Variants in YTHDC2 observed in about 807,000 individuals in gnomAD.
YTHDC2 encodes the protein 3'-5' RNA helicase YTHDC2.
In YTHDC2, 45 loss-of-function variants were observed where a neutral mutation model predicts 174.9. That is an observed-to-expected ratio of 0.26 (90% confidence interval 0.20 to 0.33). YTHDC2 has a LOEUF of 0.33. Ranked by LOEUF, YTHDC2 falls within the 10% of genes least tolerant of loss-of-function variation. YTHDC2 has a pLI of 1.00. For missense variants in YTHDC2, 1,650 were observed against 1,723.7 expected (o/e 0.96, Z 0.76); for synonymous variants, 657 against 574.5 (o/e 1.14, Z -2.05).
intron 26 of YTHDC2, among the ~76,000 whole-genome samples, chr5:113,589,405 AAAAATATATAT>A (rs1778874712): frequency 1.7e-5 from 2 of 120,462 alleles, no homozygotes; most frequent in African/African-American, 3.5e-5. Flanking sequence ...TAAAAAAAAA[AAAAATATATAT>A]ATATATATAT....
At chr5:113,528,742 C>T (rs1214006790) in intron 4 of YTHDC2, among the ~76,000 whole-genome samples, 3 of 152,260 alleles carry the variant, frequency 2.0e-5, no homozygotes, top group Admixed American at 6.5e-5. Flanking sequence ...CTCCTGGGCT[C>T]AAGCGATCCA....
At position 113,593,036 on chromosome 5, in the gene YTHDC2, G is replaced by T. The variant is rs192278705; in HGVS notation, c.4213-267G>T. The T allele has an allele frequency of 2.2e-4, 60 of 273,992 alleles. No homozygotes were observed. In the East Asian group the frequency reaches 3.6e-3, roughly 16 times the overall value. 17.0% of individuals were successfully genotyped at this position (273,992 alleles called of 1,614,324 possible). On this transcript the variant is annotated intron_variant, in intron 28 of 29. Transcript: ENST00000161863. ...AATCCATTATTTTTAGGTAGAAACA[G>T]TTCCAGGACTCCATGGGAATCTGTT... is the stretch of plus-strand genomic sequence containing the variant.
chr5:113,586,884 T>C (rs1778711309), intron 26 of YTHDC2, among the ~76,000 whole-genome samples: 1 of 135,814 alleles, frequency 7.4e-6, no homozygotes, highest in Admixed American at 8.3e-5. Flanking sequence ...TATATATATA[T>C]ATAATATATA....
intron 2 of YTHDC2, among the ~76,000 whole-genome samples, chr5:113,516,739 T>C (rs899914193): frequency 2.0e-5 from 3 of 152,106 alleles, no homozygotes; most frequent in Non-Finnish European, 4.4e-5. Flanking sequence ...GTTTTTAGGT[T>C]AGGAAGAGGG....
Position 113,513,756 on chromosome 5 carries a change from G to A in YTHDC2, c.-140G>A, listed in dbSNP as rs1561610040. 1.2e-6 allele frequency: 1 copy of A among 858,898 alleles called. No individual in the cohort carries two copies. Among genetic ancestry groups the A allele is most frequent in the East Asian group, 3.1e-5 (1 of 32,276 alleles). 53.2% of individuals were successfully genotyped at this position (858,898 alleles called of 1,614,324 possible). On this transcript the variant is annotated 5_prime_UTR_variant, in exon 1 of 30. Transcript: ENST00000161863. ...CACTTCTGCTGTGGCGGTGACTGAG[G>A]CCTTTCTGGTGACCTCAGCCCAACA...
At position 113,579,674 on chromosome 5, in the gene YTHDC2, C is replaced by G; in HGVS notation, c.3333C>G (p.Leu1111=). 2 of 1,607,204 alleles carry G rather than the reference C, an allele frequency of 1.2e-6. No homozygotes were observed. Among genetic ancestry groups the G allele is most frequent in the Non-Finnish European group, 8.5e-7 (1 of 1,176,558 alleles). Residue 1111 remains leucine (L), a synonymous_variant, in exon 24 of 30, where the codon CTC becomes CTG. Transcript: ENST00000161863. ...NLAALKLDEW[L]HFTLEPEAAS... The stretch of plus-strand genomic sequence containing the variant: ...CAGCCTTGAAACTTGATGAGTGGCT[C>G]CATTTCACACTGGAGCCAGAGGTAA...
intron 7 of YTHDC2, 50 bp downstream of exon 7, chr5:113,535,848 T>C: frequency 6.9e-7 from 1 of 1,448,182 alleles, no homozygotes; most frequent in Admixed American, 2.2e-5. Flanking sequence ...AAGAACACTT[T>C]TGGACATTAT....
intron 4 of YTHDC2, among the ~76,000 whole-genome samples, chr5:113,530,338 T>C (rs539564009): frequency 2.2e-4 from 34 of 152,002 alleles, no homozygotes; most frequent in Non-Finnish European, 4.1e-4. Flanking sequence ...ATTTTTCTTA[T>C]GTATCTTTAA....
chr5:113,514,159 C>A, intron 1 of YTHDC2, 77 bp downstream of exon 1: 5 of 1,519,738 alleles, frequency 3.3e-6, no homozygotes, highest in African/African-American at 1.4e-5. Flanking sequence ...GGCGGCCCAC[C>A]GAGTGATGGG....
intron 26 of YTHDC2, among the ~76,000 whole-genome samples, chr5:113,586,877 A>C (rs187603430): frequency 0.02 from 2,638 of 129,456 alleles, 99 homozygotes; most frequent in African/African-American, 0.041. Flanking sequence ...CTCTCTCTAT[A>C]TATATATATA....
chr5:113,560,262 G>A (rs7705562), intron 17 of YTHDC2, among the ~76,000 whole-genome samples: 48,227 of 152,092 alleles, frequency 0.32, 10,064 homozygotes, highest in African/African-American at 0.58. Context: ...GCATTGACAT[G>A]ATGACATTCC....
chr5:113,584,221 G>T, intron 25 of YTHDC2, 81 bp from the exon 26 acceptor site: 1 of 1,218,142 alleles, frequency 8.2e-7, no homozygotes, highest in Non-Finnish European at 1.1e-6. Flanking sequence ...CATCTGCTTT[G>T]TATTATAAAC....
intron 23 of YTHDC2, among the ~76,000 whole-genome samples, chr5:113,576,368 A>G (rs571858769): frequency 1.3e-5 from 2 of 152,194 alleles, no homozygotes; most frequent in Non-Finnish European, 2.9e-5. Context: ...GAGTAGAAAT[A>G]GTATGATTGA....
At position 113,529,308 on chromosome 5, in the gene YTHDC2, G is replaced by A. The variant is rs550962432; in HGVS notation, c.675+2523G>A. 1.2e-3 allele frequency among the ~76,000 whole-genome samples: 183 copies of A among 152,290 alleles called. 1 individual carries two copies. Among genetic ancestry groups the A allele is most frequent in the Middle Eastern group, 0.01 (3 of 294 alleles). On this transcript the variant is annotated intron_variant, in intron 4 of 29. Coordinates refer to ENST00000161863, the MANE Select transcript of YTHDC2 (RefSeq NM_022828.5). ...GTTAACATGGCTAAGAAGTGATAGA[G>A]TAGGAATCTTTCTCTTATATTGTAC...
At position 113,592,324 on chromosome 5, in the gene YTHDC2, T is replaced by C. The variant is rs927239325; in HGVS notation, c.4212+146T>C. The C allele has an allele frequency of 6.7e-6, 5 of 744,924 alleles. No homozygotes were observed. In the South Asian group the frequency reaches 1.4e-4, roughly 21 times the overall value. 46.1% of individuals were successfully genotyped at this position (744,924 alleles called of 1,614,324 possible). A position where few individuals can be genotyped will look rare whatever the true frequency, so the allele number is the denominator to read the frequency against. ...ACAGGGGTTCAGGTTTGTAAAAAGA[T>C]AGTAAAAACCTACTTGTAAATGTGT... On this transcript the variant is annotated intron_variant, in intron 28 of 29. Coordinates refer to ENST00000161863, the MANE Select transcript of YTHDC2 (RefSeq NM_022828.5).
intron 5 of YTHDC2, among the ~76,000 whole-genome samples, chr5:113,533,725 A>C (rs1366290546): frequency 2.0e-5 from 3 of 152,180 alleles, no homozygotes; most frequent in Non-Finnish European, 4.4e-5. Context: ...GTAGTAGTAT[A>C]AATTGAGCAT....
chr5:113,547,657 T>TA (rs1193591881), intron 10 of YTHDC2, among the ~76,000 whole-genome samples: 1 of 152,100 alleles, frequency 6.6e-6, no homozygotes, highest in East Asian at 1.9e-4. Context: ...AAACTTGTTC[T>TA]AAAAAAATAG....
At chr5:113,527,780 T>A (rs1425512399) in intron 4 of YTHDC2, among the ~76,000 whole-genome samples, 3 of 152,116 alleles carry the variant, frequency 2.0e-5, no homozygotes, top group African/African-American at 7.2e-5. Flanking sequence ...GATCTTTCTT[T>A]AGCATGAGTT....
chr5:113,592,377 A>T, intron 28 of YTHDC2, 199 bp downstream of exon 28: 1 of 454,502 alleles, frequency 2.2e-6, no homozygotes, highest in Non-Finnish European at 3.8e-6. Flanking sequence ...TCAGAGTCTC[A>T]AGATGACAAT....
Sources: gnomAD v4.1 joint callset for allele counts (sites outside exome capture counted in the v4.1 genomes callset) on GRCh38, gnomAD v4.1.1 for gene constraint, MANE v1.5 for transcripts, NCBI Gene and HGNC (gene_info 2026-07-23, HGNC 2026-07-21) for gene names.